Variants in FNDC3B observed in about 807,000 individuals in gnomAD.
FNDC3B encodes fibronectin type III domain containing 3B, also known as fibronectin type III domain-containing protein 3B.
In FNDC3B, 12 loss-of-function variants were observed where a neutral mutation model predicts 151.5. The ratio of observed to expected loss-of-function variants is 0.08; its 90% CI spans 0.05 to 0.13. The LOEUF (loss-of-function observed/expected upper bound fraction) is 0.13. Among genes scored for constraint, FNDC3B ranks in the 10% least tolerant of loss-of-function variants. The pLI, the probability that FNDC3B is intolerant of heterozygous loss-of-function variation, is 1.00. For synonymous variants in FNDC3B, 528 were observed against 549.0 expected (o/e 0.96, Z 0.54); for missense variants, 1,214 against 1,505.3 (o/e 0.81, Z 3.20).
At chr3:172,105,916 C>G (rs1295090348) in intron 1 of FNDC3B, among the ~76,000 whole-genome samples, 1 of 152,168 alleles carries the variant, frequency 6.6e-6, no homozygotes, top group African/African-American at 2.4e-5. Flanking sequence ...GGCTACAGAA[C>G]AAGCATGTAG....
intron 11 of FNDC3B, among the ~76,000 whole-genome samples, chr3:172,315,556 C>T (rs898991859): frequency 3.3e-5 from 5 of 152,128 alleles, no homozygotes; most frequent in African/African-American, 1.2e-4. Context: ...TAATAACTGA[C>T]CCCGCATTTT....
intron 8 of FNDC3B, among the ~76,000 whole-genome samples, chr3:172,297,686 G>T (rs575804972): frequency 6.6e-6 from 1 of 152,050 alleles, no homozygotes; most frequent in Non-Finnish European, 1.5e-5. Flanking sequence ...GTGTTAGCCA[G>T]GATGGTCTCG....
intron 1 of FNDC3B, among the ~76,000 whole-genome samples, chr3:172,052,177 TG>T (rs1444251988): frequency 6.6e-6 from 1 of 151,746 alleles, no homozygotes; most frequent in African/African-American, 2.4e-5. Context: ...CTCCGCCTCC[TG>T]GGCTCAAGTG....
At chr3:172,155,000 C>CT (rs1722414521) in intron 3 of FNDC3B, among the ~76,000 whole-genome samples, 1 of 151,700 alleles carries the variant, frequency 6.6e-6, no homozygotes, top group African/African-American at 2.4e-5. Context: ...TTTCATTAGT[C>CT]TAGGTGTGAG....
chr3:172,374,410 T>A (rs951312589), intron 23 of FNDC3B, among the ~76,000 whole-genome samples: 1 of 152,244 alleles, frequency 6.6e-6, no homozygotes, highest in African/African-American at 2.4e-5. Context: ...ATTTTATTTA[T>A]TATTTTGAGA....
intron 3 of FNDC3B, among the ~76,000 whole-genome samples, chr3:172,179,281 C>T (rs900577241): frequency 6.6e-6 from 1 of 152,040 alleles, no homozygotes; most frequent in Non-Finnish European, 1.5e-5. Flanking sequence ...AGGCTGGTCT[C>T]GAACTCCTGA....
intron 1 of FNDC3B, among the ~76,000 whole-genome samples, chr3:172,079,414 G>A (rs1718175502): frequency 1.3e-5 from 2 of 152,190 alleles, no homozygotes; most frequent in Non-Finnish European, 1.5e-5. Context: ...GCTTCTGCTA[G>A]TTTAATAGAA....
At chr3:172,281,206 TTA>T (rs1386795202) in intron 6 of FNDC3B, among the ~76,000 whole-genome samples, 1 of 134,254 alleles carries the variant, frequency 7.4e-6, no homozygotes, top group Non-Finnish European at 1.6e-5. Flanking sequence ...TGCCTTATTA[TTA>T]TTATTTATAT....
At chr3:172,181,407 A>AAAAAAAAT (rs1723890595) in intron 3 of FNDC3B, among the ~76,000 whole-genome samples, 1 of 144,936 alleles carries the variant, frequency 6.9e-6, no homozygotes, top group African/African-American at 2.5e-5. Context: ...AAAAAAAAAA[A>AAAAAAAAT]AAAAAAACAA....
At chr3:172,183,905 T>A (rs1724045462) in intron 3 of FNDC3B, among the ~76,000 whole-genome samples, 1 of 152,172 alleles carries the variant, frequency 6.6e-6, no homozygotes, top group African/African-American at 2.4e-5. Context: ...GCATAATGAT[T>A]TGCATTAATA....
intron 1 of FNDC3B, among the ~76,000 whole-genome samples, chr3:172,092,080 T>C (rs529559045): frequency 1.3e-5 from 2 of 152,202 alleles, no homozygotes; most frequent in Non-Finnish European, 2.9e-5. Flanking sequence ...CCATCATTAC[T>C]GATAGAAAAA....
chr3:172,221,854 G>A (rs1042845897), intron 3 of FNDC3B, among the ~76,000 whole-genome samples: 2 of 152,142 alleles, frequency 1.3e-5, no homozygotes, highest in African/African-American at 4.8e-5. Context: ...ATTGCAAACA[G>A]CTTAAATGTA....
intron 20 of FNDC3B, among the ~76,000 whole-genome samples, chr3:172,346,994 G>T (rs1339025768): frequency 6.6e-6 from 1 of 152,116 alleles, no homozygotes; most frequent in African/African-American, 2.4e-5. Context: ...ATGAGCCGCC[G>T]CACCTGGCCC....
In FNDC3B at chr3:172,307,374, T is replaced by C. The variant is rs1347182400; in HGVS notation, c.1073T>C (p.Met358Thr). Reference protein sequence around the residue: ...ATDYHVRVYAMYNSVKGSCSE... With the variant: ...ATDYHVRVYATYNSVKGSCSE... ...TGTTTTGTTTTCAGGGTGTATGCCA[T>C]GTACAATTCCGTAAAGGGATCCTGC... Residue 358 changes from methionine to threonine, a missense_variant, in exon 10 of 26, where the codon ATG becomes ACG. By Grantham distance (81) the Met-to-Thr change is moderately conservative. Coordinates refer to ENST00000415807, the MANE Select transcript of FNDC3B (RefSeq NM_022763.4). 1.2e-6 allele frequency: 2 copies of C among 1,614,148 alleles called. No homozygotes were observed. The highest frequency in any genetic ancestry group is 1.1e-5 in the South Asian group (1 of 91,084).
chr3:172,276,195 T>G (rs1450378028), intron 6 of FNDC3B, among the ~76,000 whole-genome samples: 2 of 152,222 alleles, frequency 1.3e-5, no homozygotes, highest in African/African-American at 4.8e-5. Context: ...AATCTCTCAC[T>G]TGCAGTCTAG....
chr3:172,376,014 C>T (rs573276522), intron 23 of FNDC3B, among the ~76,000 whole-genome samples: 44 of 152,276 alleles, frequency 2.9e-4, no homozygotes, highest in African/African-American at 1.0e-3. Flanking sequence ...CAAATGGGGT[C>T]ATTTTTGTAA....
chr3:172,093,407 C>T (rs898647214), intron 1 of FNDC3B, among the ~76,000 whole-genome samples: 4 of 151,920 alleles, frequency 2.6e-5, no homozygotes, highest in South Asian at 4.2e-4. Flanking sequence ...TACAGGCGCC[C>T]GCCACCGCAC....
At chr3:172,119,155 G>A (rs1406925670) in intron 2 of FNDC3B, among the ~76,000 whole-genome samples, 1 of 129,544 alleles carries the variant, frequency 7.7e-6, no homozygotes, top group East Asian at 2.4e-4. Flanking sequence ...GGGTGACACA[G>A]TGAGACTCTG....
At chr3:172,149,956 C>T (rs1031659089) in intron 3 of FNDC3B, among the ~76,000 whole-genome samples, 15 of 151,642 alleles carry the variant, frequency 9.9e-5, no homozygotes, top group African/African-American at 3.4e-4. Flanking sequence ...GTAGCTGGGA[C>T]TTCAGGTGCC....
Sources: gnomAD v4.1 joint callset for allele counts (sites outside exome capture counted in the v4.1 genomes callset) on GRCh38, gnomAD v4.1.1 for gene constraint, MANE v1.5 for transcripts, NCBI Gene and HGNC (gene_info 2026-07-23, HGNC 2026-07-21) for gene names.